RBM46: variants seen among roughly 807,000 people sequenced by gnomAD.
RBM46 encodes RNA binding motif protein 46.
A neutral mutation model predicts 43.3 loss-of-function variants in RBM46; 12 were observed. The ratio of observed to expected loss-of-function variants is 0.28; its 90% CI spans 0.18 to 0.45. RBM46 has a LOEUF of 0.45. Among genes scored for constraint, RBM46 ranks in the 20% least tolerant of loss-of-function variants. The pLI, the probability that RBM46 is intolerant of heterozygous loss-of-function variation, is 1.00. For synonymous variants in RBM46, 205 were observed against 207.6 expected, an observed-to-expected ratio of 0.99 and a Z score of 0.11; for missense variants, 412 against 639.1, an observed-to-expected ratio of 0.64 and a Z score of 3.83.
At chr4:154,789,202 C>A (rs886178929) in intron 1 of RBM46, among the ~76,000 whole-genome samples, 1 of 152,182 alleles carries the variant, frequency 6.6e-6, no homozygotes, top group African/African-American at 2.4e-5. Context: ...GCCAGAACTT[C>A]CAACACTATG....
chr4:154,822,844 C>G (rs1560915103), intron 4 of RBM46, among the ~76,000 whole-genome samples: 1 of 151,808 alleles, frequency 6.6e-6, no homozygotes, highest in Admixed American at 6.6e-5. Context: ...ATAGTCTTAG[C>G]TACCTTGGAA....
intron 4 of RBM46, among the ~76,000 whole-genome samples, chr4:154,819,361 A>G (rs564058616): frequency 4.1e-4 from 62 of 152,038 alleles, no homozygotes; most frequent in African/African-American, 1.4e-3. Context: ...TCCTAGCTTC[A>G]TTTGTCTCTT....
intron 1 of RBM46, chr4:154,790,329 C>T (rs1734020056): frequency 6.6e-6 from 1 of 152,176 alleles, no homozygotes; most frequent in Non-Finnish European, 1.5e-5. Context: ...ATTCCCTCTA[C>T]ACACTGCTTT....
intron 4 of RBM46, chr4:154,827,319 C>T (rs1318169747): frequency 1.0e-6 from 1 of 958,216 alleles, no homozygotes; most frequent in Non-Finnish European, 1.2e-6. Flanking sequence ...ACCAGTAGGA[C>T]TTTTAATGTT....
intron 4 of RBM46, among the ~76,000 whole-genome samples, chr4:154,806,346 T>A (rs1252159947): frequency 1.3e-5 from 2 of 151,880 alleles, no homozygotes; most frequent in South Asian, 4.1e-4. Flanking sequence ...GACCTTAGAA[T>A]GGCAAATGAA....
intron 4 of RBM46, among the ~76,000 whole-genome samples, chr4:154,823,010 G>T (rs943883599): frequency 6.6e-6 from 1 of 151,640 alleles, no homozygotes; most frequent in African/African-American, 2.4e-5. Context: ...ATAGCCAAAA[G>T]GTTGAAACAA....
chr4:154,785,500 A>G (rs1733715823), intron 1 of RBM46, among the ~76,000 whole-genome samples: 2 of 152,120 alleles, frequency 1.3e-5, no homozygotes, highest in Admixed American at 1.3e-4. Context: ...AGTAAGTAGC[A>G]TATGTAAGGT....
At chr4:154,801,436 C>G (rs1471551149) in intron 4 of RBM46, among the ~76,000 whole-genome samples, 2 of 152,010 alleles carry the variant, frequency 1.3e-5, no homozygotes, top group Non-Finnish European at 2.9e-5. Flanking sequence ...AAATAGAAGC[C>G]TTCAATTTTA....
At chr4:154,814,874 T>G (rs1008025957) in intron 4 of RBM46, among the ~76,000 whole-genome samples, 1 of 151,600 alleles carries the variant, frequency 6.6e-6, no homozygotes, top group African/African-American at 2.4e-5. Flanking sequence ...GCTATAACAT[T>G]ACATACAAAC....
chr4:154,814,817 C>A (rs542552888), intron 4 of RBM46, among the ~76,000 whole-genome samples: 1 of 151,678 alleles, frequency 6.6e-6, no homozygotes, highest in South Asian at 2.1e-4. Flanking sequence ...ATATATATCA[C>A]TGGCAGGTTT....
intron 4 of RBM46, among the ~76,000 whole-genome samples, chr4:154,799,938 A>T (rs979807800): frequency 6.6e-6 from 1 of 151,526 alleles, no homozygotes; most frequent in Non-Finnish European, 1.5e-5. Context: ...TTTTTGGCTA[A>T]TTTTTTGTAT....
chr4:154,799,548 T>C lies in RBM46; in HGVS notation c.1386T>C (p.Phe462=), dbSNP rs754143668. 14 of 1,554,210 alleles carry C rather than the reference T, an allele frequency of 9.0e-6. No individual in the cohort carries two copies. The highest frequency in any genetic ancestry group is 1.2e-5 in the Non-Finnish European group (14 of 1,153,460). ...ATGCAAAGGAACTGGCAGCCCAGTTTACATTACTTCATTTGGGTAAGTTTA... is the reference window on the plus strand; with the variant it reads ...ATGCAAAGGAACTGGCAGCCCAGTTCACATTACTTCATTTGGGTAAGTTTA... ...LEDAKELAAQ[F]TLLHLDYNFH... is the part of the protein sequence containing the mutation. Residue 462 remains phenylalanine (F), a synonymous_variant, in exon 4 of 5, where the codon TTT becomes TTC. Coordinates refer to ENST00000281722, the MANE Select transcript of RBM46 (RefSeq NM_144979.5).
chr4:154,783,810 ATTCT>A (rs1733625578), intron 1 of RBM46, among the ~76,000 whole-genome samples: 1 of 152,212 alleles, frequency 6.6e-6, no homozygotes, highest in Non-Finnish European at 1.5e-5. Context: ...ATGTGCTCTC[ATTCT>A]TTAATAAAAA....
chr4:154,824,049 G>A (rs1242065174), intron 4 of RBM46, among the ~76,000 whole-genome samples: 1 of 151,074 alleles, frequency 6.6e-6, no homozygotes, highest in Non-Finnish European at 1.5e-5. Flanking sequence ...GATAACATTT[G>A]ATCAGGTTTT....
chr4:154,809,042 T>A (rs1216764134), intron 4 of RBM46, among the ~76,000 whole-genome samples: 1 of 125,492 alleles, frequency 8.0e-6, no homozygotes, highest in Non-Finnish European at 1.6e-5. Context: ...TATTTCTTAA[T>A]ATTTTCCCTA....
At chr4:154,824,982 C>G (rs909008864) in intron 4 of RBM46, among the ~76,000 whole-genome samples, 1 of 151,992 alleles carries the variant, frequency 6.6e-6, no homozygotes, top group African/African-American at 2.4e-5. Flanking sequence ...ATTATCAAAA[C>G]TCATTGAAAT....
intron 4 of RBM46, among the ~76,000 whole-genome samples, chr4:154,804,141 T>G (rs1039522407): frequency 2.6e-5 from 4 of 152,148 alleles, no homozygotes; most frequent in African/African-American, 9.7e-5. Flanking sequence ...CTTGTAAAGC[T>G]TACAGAACTG....
At chr4:154,795,465 T>C (rs761771568) in intron 1 of RBM46, among the ~76,000 whole-genome samples, 2 of 152,182 alleles carry the variant, frequency 1.3e-5, no homozygotes, top group Non-Finnish European at 2.9e-5. Flanking sequence ...AAAGTATTTT[T>C]ATGTAGTAAA....
intron 4 of RBM46, among the ~76,000 whole-genome samples, chr4:154,817,485 C>G (rs914727928): frequency 6.6e-6 from 1 of 151,550 alleles, no homozygotes; most frequent in Non-Finnish European, 1.5e-5. Flanking sequence ...GGTGCGCACA[C>G]CACACCCAGC....
Sources: gnomAD v4.1 joint callset for allele counts (sites outside exome capture counted in the v4.1 genomes callset) on GRCh38, gnomAD v4.1.1 for gene constraint, MANE v1.5 for transcripts, NCBI Gene and HGNC (gene_info 2026-07-23, HGNC 2026-07-21) for gene names.